RBFOX1: variants seen among roughly 807,000 people sequenced by gnomAD.
RBFOX1 encodes the protein RNA binding protein fox-1 homolog 1.
RBFOX1 carries 8 observed loss-of-function variants against 57.7 expected under a neutral mutation model. The ratio of observed to expected loss-of-function variants is 0.14; its 90% confidence interval spans 0.08 to 0.25. RBFOX1 has a LOEUF of 0.25. RBFOX1 is among the 10% of genes least tolerant of loss of function. The pLI is 1.00. For missense variants in RBFOX1, 611 were observed against 548.5 expected (o/e 1.11, Z -1.14); for synonymous variants, 326 against 222.4 (o/e 1.47, Z -4.15).
At chr16:5,463,923 T>C (rs1676702963) in intron 1 of RBFOX1, among the ~76,000 whole-genome samples, 1 of 152,160 alleles carries the variant, frequency 6.6e-6, no homozygotes, top group South Asian at 2.1e-4. Flanking sequence ...CCAAATTGTG[T>C]TCAGCAGAAC....
chr16:6,860,926 C>G (rs1053316162), intron 3 of RBFOX1, among the ~76,000 whole-genome samples: 2 of 151,718 alleles, frequency 1.3e-5, no homozygotes. Context: ...TGAATGTGCC[C>G]AAAAATATAT....
At chr16:6,710,472 T>C (rs1451587929) in intron 3 of RBFOX1, among the ~76,000 whole-genome samples, 1 of 152,250 alleles carries the variant, frequency 6.6e-6, no homozygotes, top group African/African-American at 2.4e-5. Context: ...GTGCGTTTCA[T>C]GCTGACAGTG....
At chr16:6,869,435 C>T (rs1474233081) in intron 3 of RBFOX1, among the ~76,000 whole-genome samples, 1 of 150,244 alleles carries the variant, frequency 6.7e-6, no homozygotes, top group East Asian at 2.0e-4. Context: ...TGGTATCTGT[C>T]TTGTATTAGG....
At chr16:6,492,834 C>G (rs1368716128) in intron 2 of RBFOX1, among the ~76,000 whole-genome samples, 2 of 152,142 alleles carry the variant, frequency 1.3e-5, no homozygotes, top group Non-Finnish European at 2.9e-5. Flanking sequence ...GCCCAAAACT[C>G]AGAAATCTGT....
intron 1 of RBFOX1, among the ~76,000 whole-genome samples, chr16:6,063,506 C>CA (rs780793142): frequency 0.41 from 17,382 of 42,316 alleles, 1,527 homozygotes; most frequent in African/African-American, 0.51. Flanking sequence ...CACACACACA[C>CA]CCCCTTATAT....
At chr16:7,195,927 G>A (rs1004889078) in intron 4 of RBFOX1, among the ~76,000 whole-genome samples, 4 of 151,810 alleles carry the variant, frequency 2.6e-5, no homozygotes, top group East Asian at 1.9e-4. Flanking sequence ...GTTAGCCCAC[G>A]TGATATGATT....
chr16:5,618,715 C>G (rs1402857491), intron 3 of RBFOX1, among the ~76,000 whole-genome samples: 1 of 152,228 alleles, frequency 6.6e-6, no homozygotes, highest in Admixed American at 6.5e-5. Context: ...CACCATCCAT[C>G]CCTTTGAAAT....
intron 3 of RBFOX1, among the ~76,000 whole-genome samples, chr16:6,713,328 C>G (rs1436578386): frequency 6.6e-6 from 1 of 152,102 alleles, no homozygotes; most frequent in African/African-American, 2.4e-5. Context: ...CAAAGTCTCA[C>G]GGGAGTCTTG....
At chr16:7,065,957 T>C (rs1269675485) in intron 4 of RBFOX1, among the ~76,000 whole-genome samples, 2 of 152,160 alleles carry the variant, frequency 1.3e-5, no homozygotes, top group South Asian at 2.1e-4. Context: ...CAGTAACTTG[T>C]GTAAAACCCT....
At chr16:5,722,434 TCTGCACACA>T (rs2051969546) in intron 3 of RBFOX1, among the ~76,000 whole-genome samples, 1 of 152,204 alleles carries the variant, frequency 6.6e-6, no homozygotes, top group African/African-American at 2.4e-5. Flanking sequence ...GCTGGGCTGT[TCTGCACACA>T]TTTGCTGTAG....
intron 3 of RBFOX1, among the ~76,000 whole-genome samples, chr16:6,984,347 T>C (rs1167259279): frequency 2.0e-5 from 3 of 152,144 alleles, no homozygotes; most frequent in Non-Finnish European, 4.4e-5. Flanking sequence ...GGTATCAATG[T>C]CACCTGGGAT....
chr16:5,442,973 G>A (rs2068129548), intron 1 of RBFOX1, among the ~76,000 whole-genome samples: 1 of 152,152 alleles, frequency 6.6e-6, no homozygotes, highest in African/African-American at 2.4e-5. Context: ...GGACAAACAT[G>A]GAAAGACAAG....
intron 3 of RBFOX1, among the ~76,000 whole-genome samples, chr16:5,694,747 A>G (rs1282595161): frequency 6.6e-6 from 1 of 151,284 alleles, no homozygotes; most frequent in Non-Finnish European, 1.5e-5. Context: ...CACTATCATC[A>G]CACCATTCTG....
Position 5,991,027 on chromosome 16 carries a change from T to TA in RBFOX1, c.351+123700dup, listed in dbSNP as rs1197183820. On this transcript the variant is annotated intron_variant, in intron 4 of 19. Coordinates refer to the RBFOX1 transcript ENST00000641259. The stretch of plus-strand genomic sequence containing the variant: ...GCCTCCCATCAAGGTTCTCATGAAA[T>TA]AAAAAAAATGTTTTAATGGAAAATT... Among the ~76,000 whole-genome samples, 7 of 151,978 alleles carry TA rather than the reference T, an allele frequency of 4.6e-5. No individual in the cohort carries two copies. The South Asian group carries it at 8.3e-4, about 18-fold the overall frequency.
chr16:7,464,096 C>G (rs757753096), intron 4 of RBFOX1, among the ~76,000 whole-genome samples: 4 of 152,166 alleles, frequency 2.6e-5, no homozygotes, highest in Admixed American at 2.6e-4. Context: ...TTATGATCTG[C>G]TTACTTGTAC....
chr16:7,510,972 A>G (rs781112063), intron 4 of RBFOX1, among the ~76,000 whole-genome samples: 11 of 152,184 alleles, frequency 7.2e-5, no homozygotes, highest in Non-Finnish European at 1.2e-4. Context: ...TAAACTGGGG[A>G]CAAGTAAATT....
chr16:6,562,773 T>C (rs970654355), intron 2 of RBFOX1, among the ~76,000 whole-genome samples: 6 of 152,060 alleles, frequency 3.9e-5, no homozygotes, highest in Non-Finnish European at 1.5e-5. Flanking sequence ...TCTTTCTAAT[T>C]GAGAAAGCTG....
chr16:6,059,931 A>G (rs1303814973), intron 1 of RBFOX1, among the ~76,000 whole-genome samples: 1 of 152,142 alleles, frequency 6.6e-6, no homozygotes, highest in Non-Finnish European at 1.5e-5. Context: ...TAAAATTATA[A>G]CAACATCCCC....
intron 1 of RBFOX1, among the ~76,000 whole-genome samples, chr16:6,193,939 G>C (rs947970660): frequency 6.6e-6 from 1 of 152,114 alleles, no homozygotes; most frequent in Non-Finnish European, 1.5e-5. Flanking sequence ...CCAAGGTTCT[G>C]ACCTCCGCCT....
Sources: allele counts gnomAD v4.1 joint callset (sites outside exome capture counted in the v4.1 genomes callset), GRCh38; gene constraint gnomAD v4.1.1; transcripts MANE v1.5; gene names NCBI Gene and HGNC (gene_info 2026-07-23, HGNC 2026-07-21).